The following SPOCK3 variants were observed in gnomAD, a reference collection of about 807,000 sequenced individuals.
SPOCK3 encodes testican-3.
A neutral mutation model predicts 56.6 loss-of-function variants in SPOCK3; 30 were observed. The ratio of observed to expected loss-of-function variants is 0.53; its 90% CI spans 0.40 to 0.72. The LOEUF (loss-of-function observed/expected upper bound fraction) is 0.72. Among genes scored for constraint, SPOCK3 ranks in the 30% least tolerant of loss-of-function variants. SPOCK3 has a pLI of 0.00. For missense variants in SPOCK3, 527 were observed against 530.0 expected, an observed-to-expected ratio of 0.99 and a Z score of 0.06; for synonymous variants, 196 against 183.3, an observed-to-expected ratio of 1.07 and a Z score of -0.56.
intron 4 of SPOCK3, among the ~76,000 whole-genome samples, chr4:166,959,265 A>G (rs543518265): frequency 2.0e-5 from 3 of 152,266 alleles, no homozygotes; most frequent in Admixed American, 2.0e-4. Flanking sequence ...TTTTCAACGA[A>G]TTAGTGCTTA....
Position 166,847,572 on chromosome 4 carries a change from T to A in SPOCK3, c.589+41558A>T, listed in dbSNP as rs1450813173. ...ATAACACATTAGTAAGCTACCTTCATGCTGTCCTAGAATTTGGAGAAAGTA... is the reference window on the plus strand; with the variant it reads ...ATAACACATTAGTAAGCTACCTTCAAGCTGTCCTAGAATTTGGAGAAAGTA... On this transcript the variant is annotated intron_variant, in intron 6 of 10. Coordinates refer to ENST00000357545, the MANE Select transcript of SPOCK3 (RefSeq NM_001040159.2). 2.7e-5 allele frequency among the ~76,000 whole-genome samples: 4 copies of A among 146,518 alleles called. No individual in the cohort carries two copies. The East Asian group carries it at 7.9e-4, about 29-fold the overall frequency.
At chr4:166,938,154 A>C (rs1258385141) in intron 4 of SPOCK3, among the ~76,000 whole-genome samples, 1 of 152,060 alleles carries the variant, frequency 6.6e-6, no homozygotes, top group Non-Finnish European at 1.5e-5. Context: ...TTGAAAAATT[A>C]ATGCAGTGTC....
intron 6 of SPOCK3, among the ~76,000 whole-genome samples, chr4:166,812,924 T>G (rs1194048001): frequency 6.6e-6 from 1 of 151,964 alleles, no homozygotes; most frequent in Non-Finnish European, 1.5e-5. Context: ...TGGTGGGAGT[T>G]TACTCTAAAA....
At chr4:166,795,420 C>A (rs1445402632) in intron 6 of SPOCK3, among the ~76,000 whole-genome samples, 1 of 152,036 alleles carries the variant, frequency 6.6e-6, no homozygotes, top group Non-Finnish European at 1.5e-5. Flanking sequence ...CTTCCATAAG[C>A]CCAGGACATC....
intron 6 of SPOCK3, among the ~76,000 whole-genome samples, chr4:166,856,791 T>C (rs181436704): frequency 9.9e-5 from 15 of 151,216 alleles, no homozygotes; most frequent in Non-Finnish European, 1.6e-4. Flanking sequence ...TATCTATCTA[T>C]CTATCTATCT....
intron 5 of SPOCK3, among the ~76,000 whole-genome samples, chr4:166,901,562 A>G (rs1429906850): frequency 6.6e-6 from 1 of 152,198 alleles, no homozygotes; most frequent in Non-Finnish European, 1.5e-5. Context: ...GGTCAGTCAC[A>G]GTCCACTGAC....
intron 2 of SPOCK3, among the ~76,000 whole-genome samples, chr4:167,220,443 A>ATCACAGC (rs1554055301): frequency 6.8e-6 from 1 of 146,510 alleles, no homozygotes; most frequent in Admixed American, 6.9e-5. Flanking sequence ...CAGTGGTGTG[A>ATCACAGC]TCACGGCTCA....
At chr4:167,025,327 T>C (rs1436194244) in intron 3 of SPOCK3, among the ~76,000 whole-genome samples, 1 of 151,598 alleles carries the variant, frequency 6.6e-6, no homozygotes, top group Non-Finnish European at 1.5e-5. Flanking sequence ...ACCAAAACTA[T>C]CCATCAATGA....
intron 2 of SPOCK3, among the ~76,000 whole-genome samples, chr4:167,087,985 A>G (rs1422650550): frequency 2.6e-5 from 4 of 152,078 alleles, no homozygotes; most frequent in Admixed American, 6.6e-5. Flanking sequence ...AACATATACC[A>G]CCAATATACT....
At chr4:167,232,358 A>G (rs1179351909) in intron 2 of SPOCK3, among the ~76,000 whole-genome samples, 1 of 151,734 alleles carries the variant, frequency 6.6e-6, no homozygotes, top group Non-Finnish European at 1.5e-5. Flanking sequence ...TAAAAAAAAA[A>G]AAAACCCAAA....
chr4:167,198,609 C>T (rs1733197627), intron 2 of SPOCK3, among the ~76,000 whole-genome samples: 1 of 152,100 alleles, frequency 6.6e-6, no homozygotes, highest in Non-Finnish European at 1.5e-5. Flanking sequence ...TAGGAAAGAA[C>T]ATACTTTTTT....
At chr4:167,076,909 G>A (rs1007604372) in intron 2 of SPOCK3, among the ~76,000 whole-genome samples, 75 of 151,622 alleles carry the variant, frequency 4.9e-4, no homozygotes, top group African/African-American at 1.7e-3. Context: ...CATCCTTTTA[G>A]AAACATACCA....
At chr4:167,181,482 C>G (rs777586039) in intron 2 of SPOCK3, among the ~76,000 whole-genome samples, 9 of 152,178 alleles carry the variant, frequency 5.9e-5, no homozygotes, top group Non-Finnish European at 1.2e-4. Flanking sequence ...TTGTTTAAAA[C>G]CTTCCAATAA....
chr4:167,107,218 A>T (rs1412169767), intron 2 of SPOCK3, among the ~76,000 whole-genome samples: 2 of 152,010 alleles, frequency 1.3e-5, no homozygotes, highest in Non-Finnish European at 2.9e-5. Context: ...ACTACAAGCC[A>T]ATATTCCTGA....
chr4:166,937,482 G>C (rs1210962674), intron 4 of SPOCK3, among the ~76,000 whole-genome samples: 3 of 148,196 alleles, frequency 2.0e-5, no homozygotes, highest in African/African-American at 7.4e-5. Flanking sequence ...ATGAGTTCTT[G>C]TCTGATTATT....
rs565420439 is a variant in SPOCK3 at position 166,765,313 on chromosome 4, G to A, written c.710-10584C>T. ...TAGGTTTTCTTCTAGGGTTTTTATC[G>A]TTTTAGGTCTAACATTTAAGTCTTT... On this transcript the variant is annotated intron_variant, in intron 7 of 10. Coordinates refer to ENST00000357545, the MANE Select transcript of SPOCK3 (RefSeq NM_001040159.2). Among the ~76,000 whole-genome samples, 83 of 152,260 alleles carry A rather than the reference G, an allele frequency of 5.5e-4. No individual in the cohort carries two copies. In the East Asian group the frequency reaches 5.8e-3, roughly 11 times the overall value.
At chr4:167,167,825 A>G (rs1436082310) in intron 2 of SPOCK3, among the ~76,000 whole-genome samples, 1 of 152,100 alleles carries the variant, frequency 6.6e-6, no homozygotes, top group East Asian at 1.9e-4. Flanking sequence ...TACCTTTAAC[A>G]TATGTATGAA....
chr4:167,232,362 A>T (rs980649987), intron 2 of SPOCK3, among the ~76,000 whole-genome samples: 1 of 147,870 alleles, frequency 6.8e-6, no homozygotes, highest in African/African-American at 2.5e-5. Flanking sequence ...AAAAAAAAAA[A>T]CCCAAAACAA....
chr4:167,019,129 C>T (rs1750927292), intron 3 of SPOCK3, among the ~76,000 whole-genome samples: 1 of 152,028 alleles, frequency 6.6e-6, no homozygotes, highest in African/African-American at 2.4e-5. Flanking sequence ...TTCAATTTCT[C>T]TTGTAAAACT....
Sources: gnomAD v4.1 joint callset for allele counts (sites outside exome capture counted in the v4.1 genomes callset) on GRCh38, gnomAD v4.1.1 for gene constraint, MANE v1.5 for transcripts, NCBI Gene and HGNC (gene_info 2026-07-23, HGNC 2026-07-21) for gene names.